Variants in PON3 observed in about 807,000 individuals in gnomAD.
The protein encoded by PON3 is serum paraoxonase/lactonase 3.
A neutral mutation model predicts 36.3 loss-of-function variants in PON3; 37 were observed. The observed-to-expected ratio is 1.02, with a 90% confidence interval of 0.78 to 1.34. PON3 has a LOEUF of 1.34. Among genes scored for constraint, PON3 ranks in the 40% most tolerant of loss-of-function variants. The probability of loss-of-function intolerance (pLI) is 0.00; values close to 1 mark genes in which losing one functional copy is unlikely to be tolerated. For synonymous variants in PON3, 155 were observed against 154.8 expected (o/e 1.00, Z -0.01); for missense variants, 415 against 426.5 (o/e 0.97, Z 0.24).
At chr7:95,384,227 G>A (rs1809134075) in intron 3 of PON3, among the ~76,000 whole-genome samples, 1 of 152,142 alleles carries the variant, frequency 6.6e-6, no homozygotes, top group African/African-American at 2.4e-5. Context: ...AGACTTAAAT[G>A]TAAGACCTAA....
At chr7:95,388,383 A>C (rs968234439) in intron 3 of PON3, among the ~76,000 whole-genome samples, 31 of 152,356 alleles carry the variant, frequency 2.0e-4, no homozygotes, top group African/African-American at 7.2e-4. Flanking sequence ...TGAAAACCAC[A>C]ATGAGATACC....
intron 3 of PON3, among the ~76,000 whole-genome samples, chr7:95,378,129 G>A (rs907476866): frequency 4.6e-5 from 7 of 152,236 alleles, no homozygotes; most frequent in Admixed American, 2.6e-4. Context: ...TTCAATAGCC[G>A]ATTTGATCAA....
chr7:95,374,168 G>A (rs1053633960), intron 3 of PON3, among the ~76,000 whole-genome samples: 2 of 152,152 alleles, frequency 1.3e-5, no homozygotes, highest in Non-Finnish European at 2.9e-5. Context: ...TGGGACCACT[G>A]TTCTAGAGCC....
chr7:95,371,900 T>C (rs1176308118), intron 4 of PON3, among the ~76,000 whole-genome samples: 2 of 152,164 alleles, frequency 1.3e-5, no homozygotes. Context: ...ATGTTAGATT[T>C]CTGAGAACAG....
chr7:95,396,116 A>G (rs1297111834), intron 1 of PON3, 161 bp downstream of exon 1: 4 of 768,772 alleles, frequency 5.2e-6, no homozygotes, highest in Admixed American at 2.0e-5. Flanking sequence ...CACTTTCCCC[A>G]TAAGCGAGTC....
At chr7:95,362,712 G>T in intron 7 of PON3, 48 bp downstream of exon 7, 1 of 1,498,998 alleles carries the variant, frequency 6.7e-7, no homozygotes, top group South Asian at 1.1e-5. Context: ...TCAAGTATGG[G>T]ACTAAGGTAA....
intron 5 of PON3, among the ~76,000 whole-genome samples, chr7:95,367,054 G>A (rs1183788500): frequency 6.6e-6 from 1 of 152,224 alleles, no homozygotes; most frequent in Non-Finnish European, 1.5e-5. Context: ...TGTTTAAACA[G>A]AGACCGATAG....
intron 3 of PON3, among the ~76,000 whole-genome samples, chr7:95,382,634 C>A (rs988572248): frequency 2.0e-5 from 3 of 151,962 alleles, no homozygotes; most frequent in African/African-American, 7.3e-5. Context: ...ACACATACAC[C>A]CTCCCAAGAC....
intron 3 of PON3, among the ~76,000 whole-genome samples, chr7:95,380,237 C>T (rs569197054): frequency 6.6e-6 from 1 of 152,118 alleles, no homozygotes; most frequent in African/African-American, 2.4e-5. Context: ...GTAGATAAAA[C>T]CACAAAGATG....
chr7:95,382,675 G>T (rs1289807396), intron 3 of PON3, among the ~76,000 whole-genome samples: 2 of 152,076 alleles, frequency 1.3e-5, no homozygotes, highest in African/African-American at 2.4e-5. Context: ...TCTCTGAATA[G>T]ACCAATAACA....
intron 3 of PON3, among the ~76,000 whole-genome samples, chr7:95,375,386 T>G (rs1808895076): frequency 6.7e-6 from 1 of 150,260 alleles, no homozygotes. Flanking sequence ...ATATAATAAT[T>G]ATATACATAT....
intron 4 of PON3, among the ~76,000 whole-genome samples, chr7:95,370,158 A>T (rs1275043941): frequency 2.0e-5 from 3 of 152,222 alleles, no homozygotes; most frequent in Non-Finnish European, 4.4e-5. Flanking sequence ...CCTCAGAGTG[A>T]CAGAACAATA....
In PON3 at chr7:95,371,963, A is replaced by C. The variant is rs1435678089; in HGVS notation, c.367+210T>G. On this transcript the variant is annotated intron_variant, in intron 4 of 8. Transcript: ENST00000265627. ...AAGAAGACAAGTGGATAGAAGGAAG[A>C]GGAGGAGGCCACATAGGGCCAAAAA... is the stretch of plus-strand genomic sequence containing the variant. Among the ~76,000 whole-genome samples, 3 of 152,136 alleles carry C rather than the reference A, an allele frequency of 2.0e-5. No homozygotes were observed. The East Asian group carries it at 5.8e-4, about 29-fold the overall frequency.
chr7:95,389,150 C>T (rs1389259438), intron 3 of PON3, among the ~76,000 whole-genome samples: 1 of 151,994 alleles, frequency 6.6e-6, no homozygotes, highest in African/African-American at 2.4e-5. Context: ...CTTTTCTAGA[C>T]CATTTTGTTT....
At chr7:95,385,538 G>C (rs1216658886) in intron 3 of PON3, among the ~76,000 whole-genome samples, 3 of 151,960 alleles carry the variant, frequency 2.0e-5, no homozygotes, top group Admixed American at 2.0e-4. Context: ...AGGATATCCA[G>C]GACTTGAACT....
chr7:95,372,078 C>A, intron 4 of PON3, 95 bp downstream of exon 4: 2 of 1,392,334 alleles, frequency 1.4e-6, no homozygotes, highest in Non-Finnish European at 1.0e-6. Flanking sequence ...AAAATAGCAT[C>A]TTCTCTCTTC....
At chr7:95,377,067 C>T (rs1262427916) in intron 3 of PON3, among the ~76,000 whole-genome samples, 4 of 152,240 alleles carry the variant, frequency 2.6e-5, no homozygotes, top group Non-Finnish European at 4.4e-5. Flanking sequence ...TTCCCACAGT[C>T]TTTGCAACCA....
At chr7:95,368,824 A>AAG (rs1414830070) in intron 4 of PON3, among the ~76,000 whole-genome samples, 6 of 150,814 alleles carry the variant, frequency 4.0e-5, no homozygotes, top group African/African-American at 1.5e-4. Context: ...CAAAAAAAAA[A>AAG]AAAAGAAAGA....
intron 3 of PON3, among the ~76,000 whole-genome samples, chr7:95,382,761 T>C (rs1272876952): frequency 6.6e-6 from 1 of 152,190 alleles, no homozygotes; most frequent in Admixed American, 6.5e-5. Context: ...CACAGCCGAA[T>C]TCTACCAGAG....
Sources: allele counts gnomAD v4.1 joint callset (sites outside exome capture counted in the v4.1 genomes callset), GRCh38; gene constraint gnomAD v4.1.1; transcripts MANE v1.5; gene names NCBI Gene and HGNC (gene_info 2026-07-23, HGNC 2026-07-21).